GNG4: variants seen among roughly 807,000 people sequenced by gnomAD.
GNG4 encodes the protein guanine nucleotide-binding protein G(I)/G(S)/G(O) subunit gamma-4.
In GNG4, 4 loss-of-function variants were observed where a neutral mutation model predicts 5.8. The observed-to-expected ratio is 0.69, with a 90% CI of 0.34 to 1.57. The LOEUF (loss-of-function observed/expected upper bound fraction) is 1.57. Ranked by LOEUF, GNG4 falls within the 40% of genes most tolerant of loss-of-function variation. GNG4 has a pLI of 0.06. For synonymous variants in GNG4, 29 were observed against 32.9 expected (o/e 0.88, Z 0.41); for missense variants, 96 against 95.1 (o/e 1.01, Z -0.04).
chr1:235,632,660 C>G (rs958975089), intron 1 of GNG4, among the ~76,000 whole-genome samples: 1 of 152,140 alleles, frequency 6.6e-6, no homozygotes, highest in Non-Finnish European at 1.5e-5. Context: ...TTGTAACTGT[C>G]TGTCGTCTTC....
intron 3 of GNG4, among the ~76,000 whole-genome samples, chr1:235,581,438 A>T (rs1687633549): frequency 6.6e-6 from 1 of 151,990 alleles, no homozygotes; most frequent in Non-Finnish European, 1.5e-5. Context: ...CTGAGGCAGA[A>T]GAATGGCGTG....
chr1:235,600,917 T>G (rs1256468880), intron 1 of GNG4, among the ~76,000 whole-genome samples: 2 of 152,266 alleles, frequency 1.3e-5, no homozygotes, highest in African/African-American at 2.4e-5. Flanking sequence ...TTTTAGCTTC[T>G]GTGCCCCCAT....
At chr1:235,608,244 C>A (rs1255653124) in intron 1 of GNG4, among the ~76,000 whole-genome samples, 1 of 152,042 alleles carries the variant, frequency 6.6e-6, no homozygotes, top group Non-Finnish European at 1.5e-5. Flanking sequence ...CCAGGAAATG[C>A]TGTTTCTAAA....
intron 1 of GNG4, among the ~76,000 whole-genome samples, chr1:235,595,760 C>T (rs1688107612): frequency 6.6e-6 from 1 of 152,220 alleles, no homozygotes; most frequent in Non-Finnish European, 1.5e-5. Context: ...CCTCACCAGA[C>T]TGCTCCCCTG....
intron 3 of GNG4, among the ~76,000 whole-genome samples, chr1:235,563,072 C>T (rs1427130454): frequency 2.0e-5 from 3 of 152,024 alleles, no homozygotes; most frequent in African/African-American, 7.2e-5. Flanking sequence ...GAAACTTTTA[C>T]ATTCTCTTTT....
chr1:235,637,000 A>G (rs1571926318), intron 1 of GNG4, among the ~76,000 whole-genome samples: 1 of 151,700 alleles, frequency 6.6e-6, no homozygotes, highest in East Asian at 1.9e-4. Flanking sequence ...GAATGGGGAT[A>G]AAGATCCCTG....
chr1:235,586,226 C>G (rs1053773144), intron 2 of GNG4, among the ~76,000 whole-genome samples: 1 of 152,208 alleles, frequency 6.6e-6, no homozygotes, highest in Non-Finnish European at 1.5e-5. Context: ...AAGTTGGGAG[C>G]TTTGAAATCC....
intron 3 of GNG4, among the ~76,000 whole-genome samples, chr1:235,561,076 C>T (rs1030611999): frequency 2.6e-5 from 4 of 152,220 alleles, no homozygotes; most frequent in Non-Finnish European, 5.9e-5. Context: ...GTGGCGCCAT[C>T]TCGGCTCACT....
At chr1:235,585,122 C>A (rs1687727898) in intron 2 of GNG4, among the ~76,000 whole-genome samples, 1 of 151,698 alleles carries the variant, frequency 6.6e-6, no homozygotes. Context: ...CCTTCCCTCC[C>A]TCCTTCCCTT....
chr1:235,622,583 C>G (rs1487953188), intron 1 of GNG4, among the ~76,000 whole-genome samples: 1 of 151,716 alleles, frequency 6.6e-6, no homozygotes, highest in Non-Finnish European at 1.5e-5. Flanking sequence ...GGCACGGTGG[C>G]TCACCTGAGG....
At chr1:235,633,162 C>T (rs577064377) in intron 1 of GNG4, among the ~76,000 whole-genome samples, 7 of 152,258 alleles carry the variant, frequency 4.6e-5, no homozygotes, top group South Asian at 4.2e-4. Flanking sequence ...TAGAGTCTGA[C>T]GCAGTTGTTG....
intron 2 of GNG4, among the ~76,000 whole-genome samples, chr1:235,587,592 AGTGTGGGAGGG>A (rs1558486312): frequency 7.0e-3 from 5 of 716 alleles, no homozygotes; most frequent in African/African-American, 0.025. Flanking sequence ...GGTGAGTGTG[AGTGTGGGAGGG>A]CATGGGGTGG....
intron 1 of GNG4, among the ~76,000 whole-genome samples, chr1:235,599,832 T>C (rs1688215914): frequency 6.6e-6 from 1 of 152,168 alleles, no homozygotes; most frequent in Admixed American, 6.5e-5. Flanking sequence ...GATTCCTCTT[T>C]TAGATAACTT....
At chr1:235,645,015 T>C (rs1239087640) in intron 1 of GNG4, among the ~76,000 whole-genome samples, 2 of 152,032 alleles carry the variant, frequency 1.3e-5, no homozygotes, top group Admixed American at 6.5e-5. Context: ...GACGTGTGGG[T>C]GTTGAAGGGT....
chr1:235,560,032 G>A (rs1299757257), intron 3 of GNG4, among the ~76,000 whole-genome samples: 1 of 152,154 alleles, frequency 6.6e-6, no homozygotes, highest in African/African-American at 2.4e-5. Context: ...CCATCTGACT[G>A]ACTATCTCTC....
In GNG4 at chr1:235,636,741, C is replaced by T. The variant is rs372520963; in HGVS notation, c.-123+12921G>A. On this transcript the variant is annotated intron_variant, in intron 1 of 3. Transcript: ENST00000391854. ...CCCAATACTGACAGGCGATGGCATGCGGATGCCCCAGTGTTGTACTTCTGT... is the reference window on the plus strand; with the variant it reads ...CCCAATACTGACAGGCGATGGCATGTGGATGCCCCAGTGTTGTACTTCTGT... Among the ~76,000 whole-genome samples, 21 of 152,266 alleles carry T rather than the reference C, an allele frequency of 1.4e-4. No homozygotes were observed. The East Asian group carries it at 3.7e-3, about 27-fold the overall frequency.
At chr1:235,599,167 G>A (rs1261562945) in intron 1 of GNG4, among the ~76,000 whole-genome samples, 2 of 152,160 alleles carry the variant, frequency 1.3e-5, no homozygotes, top group Non-Finnish European at 2.9e-5. Context: ...CTGGGACCTC[G>A]GGGAGGCTGC....
intron 1 of GNG4, among the ~76,000 whole-genome samples, chr1:235,624,225 C>T (rs370064374): frequency 7.2e-5 from 11 of 151,992 alleles, no homozygotes; most frequent in African/African-American, 2.7e-4. Flanking sequence ...GCCTCAGCCC[C>T]CCGAGTAGCT....
chr1:235,570,904 G>A (rs1406823583), intron 3 of GNG4, among the ~76,000 whole-genome samples: 1 of 99,994 alleles, frequency 1.0e-5, no homozygotes, highest in Non-Finnish European at 1.9e-5. Flanking sequence ...ATATGTGTGT[G>A]TGTGTATACA....
Sources: allele counts gnomAD v4.1 joint callset (sites outside exome capture counted in the v4.1 genomes callset), GRCh38; gene constraint gnomAD v4.1.1; transcripts MANE v1.5; gene names NCBI Gene and HGNC (gene_info 2026-07-23, HGNC 2026-07-21).